The following PHF3 variants were observed in gnomAD, a reference collection of about 807,000 sequenced individuals.
PHF3 encodes PHD finger protein 3.
In PHF3, 41 loss-of-function variants were observed where a neutral mutation model predicts 178.4. The ratio of observed to expected loss-of-function variants is 0.23; its 90% confidence interval spans 0.18 to 0.30. The LOEUF is 0.30. Among genes scored for constraint, PHF3 ranks in the 10% least tolerant of loss-of-function variants. The pLI, the probability that PHF3 is intolerant of heterozygous loss-of-function variation, is 1.00. For missense variants in PHF3, 2,346 were observed against 2,398.1 expected (o/e 0.98, Z 0.45); for synonymous variants, 842 against 800.5 (o/e 1.05, Z -0.88).
chr6:63,637,937 G>A (rs1764414725), intron 1 of PHF3, among the ~76,000 whole-genome samples: 1 of 152,102 alleles, frequency 6.6e-6, no homozygotes, highest in Non-Finnish European at 1.5e-5. Context: ...GAAAAATATA[G>A]TTTATTTTAC....
chr6:63,703,108 C>T (rs1041795384), intron 10 of PHF3, among the ~76,000 whole-genome samples: 10 of 152,328 alleles, frequency 6.6e-5, no homozygotes, highest in Middle Eastern at 3.4e-3. Context: ...AAACTCCTGA[C>T]CTCAAGTGAT....
In PHF3 at chr6:63,709,069, G is replaced by T. The variant is rs182555049; in HGVS notation, c.3712-82G>T. The T allele has an allele frequency of 9.2e-5, 62 of 676,376 alleles. No homozygotes were observed. In the East Asian group the frequency reaches 1.6e-3, roughly 17 times the overall value. The allele number at this position is 676,376 out of a possible 1,614,324, so 41.9% of individuals were successfully genotyped here. A position where few individuals can be genotyped will look rare whatever the true frequency, so the allele number is the denominator to read the frequency against. ...TTATTACTGTTTCAAATTAGTCTTA[G>T]AATCAAATTTGTATGAATTACTAAT... is the stretch of plus-strand genomic sequence containing the variant. On this transcript the variant is annotated intron_variant, in intron 13 of 15. Coordinates refer to ENST00000262043, the MANE Select transcript of PHF3 (RefSeq NM_001370348.2).
chr6:63,713,418 G>A lies in PHF3; in HGVS notation c.5830G>A (p.Glu1944Lys). The change falls in exon 16 of 16, where the codon GAA (glutamate) becomes AAA (lysine). Residue 1944 changes from glutamate (E) to lysine (K), a missense_variant. Physicochemically the swap from Glu to Lys is moderately conservative, Grantham distance 56 (BLOSUM62 1). Coordinates refer to ENST00000262043, the MANE Select transcript of PHF3 (RefSeq NM_001370348.2). ...TGAAAAGGAATGGGAGCAAGAATCT[G>A]AAAGGCATAGACGCAGAGACAGAAG... ...RHEKEWEQES[E>K]RHRRRDRSQD... The A allele has an allele frequency of 6.2e-7, 1 of 1,613,988 alleles. No homozygotes were observed. The highest frequency in any genetic ancestry group is 2.2e-5 in the East Asian group (1 of 44,856).
intron 2 of PHF3, among the ~76,000 whole-genome samples, chr6:63,649,765 A>G (rs1204703700): frequency 6.6e-6 from 1 of 152,134 alleles, no homozygotes; most frequent in East Asian, 1.9e-4. Context: ...TACTTCATCT[A>G]ATTGTAGTGT....
At position 63,706,764 on chromosome 6, in the gene PHF3, C is replaced by G; in HGVS notation, c.3599C>G (p.Thr1200Ser). The G allele has an allele frequency of 6.2e-7, 1 of 1,613,898 alleles. No individual in the cohort carries two copies. Among genetic ancestry groups the G allele is most frequent in the Non-Finnish European group, 8.5e-7 (1 of 1,179,896 alleles). The change falls in exon 13 of 16, where the codon ACC (threonine) becomes AGC (serine). Residue 1200 changes from threonine (T) to serine (S), a missense_variant. By Grantham distance (58) the Thr-to-Ser change is moderately conservative. This residue lies in a region of PHF3 where 205 missense variants were observed against 212.4 expected (regional missense o/e 0.97). Coordinates refer to ENST00000262043, the MANE Select transcript of PHF3 (RefSeq NM_001370348.2). Reference sequence around the variant, plus strand: ...CCTGGAACTGTTGAAGTTGAGTCTACCTTTCTGGCTCGATTGAACTTCATC... The same window carrying G: ...CCTGGAACTGTTGAAGTTGAGTCTAGCTTTCTGGCTCGATTGAACTTCATC... ...EMPGTVEVES[T>S]FLARLNFIWK...
rs1273931713 is a variant in PHF3 at position 63,657,387 on chromosome 6, GTAC to G, written c.244+10595_244+10597del. Among the ~76,000 whole-genome samples the G allele has an allele frequency of 9.9e-5, 15 of 152,212 alleles. No individual in the cohort carries two copies. In the East Asian group the frequency reaches 2.7e-3, roughly 27 times the overall value. On this transcript the variant is annotated intron_variant, in intron 2 of 15. Transcript: ENST00000262043. ...AACTTTTATCTTCCCCCAAACTTAAGTACTAATAGCCTATGTTGACTGGAAGCC... is the reference window on the plus strand; with the variant it reads ...AACTTTTATCTTCCCCCAAACTTAAGTAATAGCCTATGTTGACTGGAAGCC...
Position 63,646,761 on chromosome 6 carries a change from C to A in PHF3, c.210C>A (p.Ser70Arg). 6.4e-7 allele frequency: 1 copy of A among 1,557,860 alleles called. No homozygotes were observed. Among genetic ancestry groups the A allele is most frequent in the South Asian group, 1.2e-5 (1 of 83,752 alleles). The change falls in exon 2 of 16, where the codon AGC becomes AGA. Residue 70 changes from serine to arginine, a missense_variant. Physicochemically the swap from Ser to Arg is moderately radical, Grantham distance 110 (BLOSUM62 -1). Transcript: ENST00000262043. ...AGTTCTGTTTGCCTGTTTTGGATAG[C>A]AATGATCCCAATTTCCAGATGCCTT... ...SNQFCLPVLDSNDPNFQMPCS... is the reference protein window; with the variant it reads ...SNQFCLPVLDRNDPNFQMPCS...
At position 63,680,045 on chromosome 6, in the gene PHF3, G is replaced by A. The variant is rs772580867; in HGVS notation, c.290G>A (p.Ser97Asn). The change falls in exon 3 of 16, where the codon AGT becomes AAT. Residue 97 changes from serine to asparagine, a missense_variant. Around this residue, in one of 8 missense-constraint regions of PHF3, gnomAD observed 843 missense variants for 795.2 expected, o/e 1.06. Coordinates refer to ENST00000262043, the MANE Select transcript of PHF3 (RefSeq NM_001370348.2). ...ATGGATGAAGGAGTTGTTAAAGAAAGTGGCAATGATACCATTGATGAAGAA... is the reference window on the plus strand; with the variant it reads ...ATGGATGAAGGAGTTGTTAAAGAAAATGGCAATGATACCATTGATGAAGAA... The part of the protein sequence containing the change: ...DIMDEGVVKE[S>N]GNDTIDEEEL... 10 of 1,612,586 alleles carry A rather than the reference G, an allele frequency of 6.2e-6. No individual in the cohort carries two copies. In the Admixed American group the frequency reaches 1.7e-4, roughly 27 times the overall value.
At chr6:63,637,460 A>G (rs1764391528) in intron 1 of PHF3, among the ~76,000 whole-genome samples, 2 of 152,232 alleles carry the variant, frequency 1.3e-5, no homozygotes, top group Admixed American at 6.5e-5. Context: ...CTATTGTAGC[A>G]TACTTATGTT....
In PHF3 at chr6:63,709,422, A is replaced by G. The variant is rs1486066925; in HGVS notation, c.3801+182A>G. ...TTGCTGAGGCTGTCAACAGTACAGC[A>G]TTTTTTTTTTTTCCTCTCCTGGGAT... On this transcript the variant is annotated intron_variant, in intron 14 of 15. Coordinates refer to ENST00000262043, the MANE Select transcript of PHF3 (RefSeq NM_001370348.2). Among the ~76,000 whole-genome samples, 5 of 147,380 alleles carry G rather than the reference A, an allele frequency of 3.4e-5. No individual in the cohort carries two copies. The East Asian group carries it at 7.9e-4, about 23-fold the overall frequency.
At chr6:63,687,145 G>A (rs1014187227) in intron 4 of PHF3, among the ~76,000 whole-genome samples, 1 of 152,110 alleles carries the variant, frequency 6.6e-6, no homozygotes, top group African/African-American at 2.4e-5. Context: ...TCAGCCAGGC[G>A]CAGTCGCATG....
chr6:63,723,637 C>T lies in PHF3; in HGVS notation c.*9929C>T, dbSNP rs1323289549. 6.6e-6 allele frequency among the ~76,000 whole-genome samples: 1 copy of T among 151,988 alleles called. No individual in the cohort carries two copies. On this transcript the variant is annotated 3_prime_UTR_variant, in exon 16 of 16. Transcript: ENST00000262043. ...CTGCGAAGAAAGGATTATTTTAACTCAGCTAGTATGTTCTTACGAAAAATT... is the reference window on the plus strand; with the variant it reads ...CTGCGAAGAAAGGATTATTTTAACTTAGCTAGTATGTTCTTACGAAAAATT...
Position 63,699,072 on chromosome 6 carries a change from A to T in PHF3, c.2982+467A>T, listed in dbSNP as rs531602372. ...AACTTTAGTTCTAAAGATAGTCTTA[A>T]ATATAACTTTAGTTCCAAGTATTAT... On this transcript the variant is annotated intron_variant, in intron 8 of 15. Transcript: ENST00000262043. Among the ~76,000 whole-genome samples the T allele has an allele frequency of 1.3e-4, 20 of 152,304 alleles. No individual in the cohort carries two copies. In the South Asian group the frequency reaches 3.5e-3, roughly 27 times the overall value.
intron 2 of PHF3, among the ~76,000 whole-genome samples, chr6:63,676,492 G>C (rs1766170850): frequency 6.6e-6 from 1 of 152,210 alleles, no homozygotes; most frequent in Non-Finnish European, 1.5e-5. Flanking sequence ...TGAGTTATGG[G>C]TATTTGGGAG....
At position 63,685,301 on chromosome 6, in the gene PHF3, A is replaced by T. The variant is rs754742331; in HGVS notation, c.1579A>T (p.Ser527Cys). The T allele has an allele frequency of 6.2e-7, 1 of 1,614,150 alleles. No homozygotes were observed. The highest frequency in any genetic ancestry group is 2.2e-5 in the East Asian group (1 of 44,868). ...TAGCAAAACTAAAGTTAATGTCAAA[A>T]GTGTGAAACGAAATACTGATGTACC... is the stretch of plus-strand genomic sequence containing the variant. ...IHSKTKVNVK[S>C]VKRNTDVPES... is the part of the protein sequence containing the mutation. Residue 527 changes from serine to cysteine, a missense_variant, in exon 4 of 16, where the codon AGT becomes TGT. This residue lies in a region of PHF3 where 843 missense variants were observed against 795.2 expected (regional missense o/e 1.06). Coordinates refer to ENST00000262043, the MANE Select transcript of PHF3 (RefSeq NM_001370348.2).
chr6:63,690,997 C>A (rs1766975345), intron 4 of PHF3, among the ~76,000 whole-genome samples: 1 of 151,974 alleles, frequency 6.6e-6, no homozygotes, highest in Non-Finnish European at 1.5e-5. Context: ...TAAATCCAAC[C>A]CAAGTACTAA....
chr6:63,669,997 A>G (rs761318165), intron 2 of PHF3, among the ~76,000 whole-genome samples: 5 of 152,012 alleles, frequency 3.3e-5, no homozygotes, highest in Non-Finnish European at 5.9e-5. Context: ...ATTAAGGTTC[A>G]TATCTTTAAT....
chr6:63,701,248 A>G (rs1447178854), intron 9 of PHF3, among the ~76,000 whole-genome samples: 1 of 152,230 alleles, frequency 6.6e-6, no homozygotes, highest in African/African-American at 2.4e-5. Context: ...ATTGCCATGT[A>G]TGAATGTTCA....
Position 63,685,051 on chromosome 6 carries a change from G to A in PHF3, c.1329G>A (p.Val443=). 3 of 1,614,028 alleles carry A rather than the reference G, an allele frequency of 1.9e-6. No homozygotes were observed. Among genetic ancestry groups the A allele is most frequent in the Non-Finnish European group, 2.5e-6 (3 of 1,179,976 alleles). Residue 443 remains valine (V), a synonymous_variant, in exon 4 of 16, where the codon GTG becomes GTA. Coordinates refer to ENST00000262043, the MANE Select transcript of PHF3 (RefSeq NM_001370348.2). ...TCTTGGAAAATGCTATTTGTGATGT[G>A]CCTGACCAAAATTCAAAACAGTTGA... ...SNILENAICD[V]PDQNSKQLNA... is the part of the protein sequence containing the mutation.
Sources: gnomAD v4.1 joint callset for allele counts (sites outside exome capture counted in the v4.1 genomes callset) on GRCh38, gnomAD v4.1.1 for gene constraint, gnomAD v4.1.1 regional missense constraint, MANE v1.5 for transcripts, NCBI Gene and HGNC (gene_info 2026-07-23, HGNC 2026-07-21) for gene names.